Variants in MBD5 observed in about 807,000 individuals in gnomAD.
The protein encoded by MBD5 is methyl-CpG binding domain protein 5, also known as methyl-CpG-binding domain protein 5.
Under a neutral mutation model 117.3 loss-of-function variants are expected in MBD5, and 13 were observed. That is an observed-to-expected ratio of 0.11 (90% CI 0.07 to 0.18). MBD5 has a LOEUF of 0.18. MBD5 is among the 10% of genes least tolerant of loss of function. The probability of loss-of-function intolerance (pLI) is 1.00; values close to 1 mark genes in which losing one functional copy is unlikely to be tolerated. For missense variants in MBD5, 1,879 were observed against 2,093.8 expected, an observed-to-expected ratio of 0.90 and a Z score of 2.00; for synonymous variants, 727 against 766.4, an observed-to-expected ratio of 0.95 and a Z score of 0.85.
At chr2:148,164,833 T>C (rs1678237999) in intron 1 of MBD5, among the ~76,000 whole-genome samples, 1 of 152,166 alleles carries the variant, frequency 6.6e-6, no homozygotes, top group Admixed American at 6.5e-5. Flanking sequence ...GGCTAGGAAG[T>C]CCAAGACTGA....
chr2:148,305,598 GA>G (rs2106500399), intron 3 of MBD5, among the ~76,000 whole-genome samples: 1 of 152,308 alleles, frequency 6.6e-6, no homozygotes, highest in African/African-American at 2.4e-5. Context: ...GACATCGGGT[GA>G]ACTTTCTGAG....
intron 3 of MBD5, among the ~76,000 whole-genome samples, chr2:148,299,179 A>G (rs1701724657): frequency 6.6e-6 from 1 of 151,242 alleles, no homozygotes; most frequent in Non-Finnish European, 1.5e-5. Flanking sequence ...CCCAGGCTGG[A>G]GTGCAGTGAT....
chr2:148,240,222 A>G (rs1173713251), intron 3 of MBD5, among the ~76,000 whole-genome samples: 2 of 152,124 alleles, frequency 1.3e-5, no homozygotes, highest in Non-Finnish European at 1.5e-5. Context: ...AACAATGAGA[A>G]CGCTTGGACA....
In MBD5 at chr2:148,487,380, C is replaced by T. The variant is rs184554484; in HGVS notation, c.3753+1430C>T. On this transcript the variant is annotated intron_variant, in intron 10 of 13. Transcript: ENST00000642680. ...AAGGAAGGGAGGTAAGAATGATGCACTCCAGTGCTGGTTAGTTCTAAGAAA... is the reference window on the plus strand; with the variant it reads ...AAGGAAGGGAGGTAAGAATGATGCATTCCAGTGCTGGTTAGTTCTAAGAAA... Among the ~76,000 whole-genome samples, 47 of 152,256 alleles carry T rather than the reference C, an allele frequency of 3.1e-4. No homozygotes were observed. The East Asian group carries it at 8.5e-3, about 27-fold the overall frequency.
chr2:148,102,717 CACACACACACACAG>C (rs1371236140), intron 1 of MBD5, among the ~76,000 whole-genome samples: 1 of 85,626 alleles, frequency 1.2e-5, no homozygotes, highest in Admixed American at 1.5e-4. Context: ...CACACACACA[CACACACACACACAG>C]AGAGAGAGAG....
rs564716667 is a variant in MBD5 at position 148,510,233 on chromosome 2, A to G, written c.5112+98A>G. 141 of 818,704 alleles carry G rather than the reference A, an allele frequency of 1.7e-4. 4 individuals are homozygous for G. The South Asian group carries it at 2.0e-3, about 12-fold the overall frequency. 50.7% of individuals were successfully genotyped at this position (818,704 alleles called of 1,614,324 possible). A position where few individuals can be genotyped will look rare whatever the true frequency, so the allele number is the denominator to read the frequency against. On this transcript the variant is annotated intron_variant, in intron 13 of 13. Coordinates refer to ENST00000642680, the MANE Select transcript of MBD5 (RefSeq NM_001378120.1). Reference sequence around the variant, plus strand: ...TCTTGAGTATTGTCAAACAACTCACATAGCAATACTAAATTACTAGCCTAG... The same window carrying G: ...TCTTGAGTATTGTCAAACAACTCACGTAGCAATACTAAATTACTAGCCTAG...
intron 1 of MBD5, among the ~76,000 whole-genome samples, chr2:148,044,136 A>G (rs1694451982): frequency 6.6e-6 from 1 of 152,250 alleles, no homozygotes; most frequent in African/African-American, 2.4e-5. Context: ...TGTTATGTAA[A>G]TCAATGCTTT....
chr2:148,183,090 G>T (rs1280562470), intron 2 of MBD5, among the ~76,000 whole-genome samples: 1 of 152,052 alleles, frequency 6.6e-6, no homozygotes, highest in Non-Finnish European at 1.5e-5. Context: ...AAAACTTCTG[G>T]TTATATGTGT....
chr2:148,370,646 AC>A (rs1461366247), intron 4 of MBD5, among the ~76,000 whole-genome samples: 1 of 151,924 alleles, frequency 6.6e-6, no homozygotes, highest in Admixed American at 6.6e-5. Context: ...GCACCACTAC[AC>A]TTGGCTAATG....
At chr2:148,028,820 C>T (rs1006089204) in intron 1 of MBD5, among the ~76,000 whole-genome samples, 3 of 152,046 alleles carry the variant, frequency 2.0e-5, no homozygotes, top group Admixed American at 6.5e-5. Context: ...AAATCAAATA[C>T]GTGCTCCTGT....
intron 2 of MBD5, among the ~76,000 whole-genome samples, chr2:148,200,658 G>A (rs181718762): frequency 2.7e-5 from 4 of 146,762 alleles, no homozygotes; most frequent in African/African-American, 7.6e-5. Flanking sequence ...ACGCCACTTC[G>A]CTCCAGCCTG....
intron 1 of MBD5, among the ~76,000 whole-genome samples, chr2:148,116,837 G>T (rs1487654875): frequency 6.6e-6 from 1 of 152,006 alleles, no homozygotes; most frequent in Non-Finnish European, 1.5e-5. Flanking sequence ...TAATAGTATT[G>T]TTTGCTTTCT....
At position 148,469,698 on chromosome 2, in the gene MBD5, A is replaced by C. The variant is rs1450969489; in HGVS notation, c.1755A>C (p.Lys585Asn). 4 of 1,613,956 alleles carry C rather than the reference A, an allele frequency of 2.5e-6. No homozygotes were observed. The highest frequency in any genetic ancestry group is 3.4e-6 in the Non-Finnish European group (4 of 1,179,880). The change falls in exon 8 of 14, where the codon AAA becomes AAC. Residue 585 changes from lysine to asparagine, a missense_variant. Transcript: ENST00000642680. ...GTAGTTTACTCTCAGCAGCAGCCAA[A>C]GCACAGCTAGCAAATCAAAACAAAC... ...PASSLLSAAAKAQLANQNKLA... is the reference protein window; with the variant it reads ...PASSLLSAAANAQLANQNKLA...
intron 2 of MBD5, among the ~76,000 whole-genome samples, chr2:148,185,850 A>C (rs1698643837): frequency 6.6e-6 from 1 of 152,186 alleles, no homozygotes; most frequent in Admixed American, 6.5e-5. Context: ...TCTAATGACT[A>C]TCTTTTCTCT....
chr2:148,180,527 C>T (rs867467980), intron 2 of MBD5, among the ~76,000 whole-genome samples: 5 of 151,222 alleles, frequency 3.3e-5, no homozygotes, highest in African/African-American at 1.2e-4. Context: ...TTGTTGTTGT[C>T]GTGTGTTTGT....
intron 4 of MBD5, among the ~76,000 whole-genome samples, chr2:148,455,576 T>C (rs1381174295): frequency 1.3e-5 from 2 of 152,078 alleles, no homozygotes; most frequent in East Asian, 3.9e-4. Context: ...CAGAACCATG[T>C]TAGAGAACTC....
At chr2:148,348,623 A>G (rs1703179243) in intron 4 of MBD5, among the ~76,000 whole-genome samples, 1 of 152,044 alleles carries the variant, frequency 6.6e-6, no homozygotes, top group Non-Finnish European at 1.5e-5. Context: ...AATAGCTAAC[A>G]TGACAGTGAG....
chr2:148,443,129 C>T (rs958326980), intron 4 of MBD5, among the ~76,000 whole-genome samples: 2 of 151,328 alleles, frequency 1.3e-5, no homozygotes, highest in Non-Finnish European at 2.9e-5. Flanking sequence ...AAGTGGCAAA[C>T]AGGCATATGA....
In MBD5 at chr2:148,106,130, TA is replaced by T. The variant is rs1258660775; in HGVS notation, c.-924-72569del. ...TTCTACAACTGTTGATGCAGTTTTA[TA>T]TATATGTCCTTTATATAAGGATAAT... On this transcript the variant is annotated intron_variant, in intron 1 of 13. Coordinates refer to ENST00000642680, the MANE Select transcript of MBD5 (RefSeq NM_001378120.1). Among the ~76,000 whole-genome samples, 7 of 152,148 alleles carry T rather than the reference TA, an allele frequency of 4.6e-5. No homozygotes were observed. In the East Asian group the frequency reaches 1.3e-3, roughly 29 times the overall value.
Sources: allele counts gnomAD v4.1 joint callset (sites outside exome capture counted in the v4.1 genomes callset), GRCh38; gene constraint gnomAD v4.1.1; transcripts MANE v1.5; gene names NCBI Gene and HGNC (gene_info 2026-07-23, HGNC 2026-07-21).